The following RBFOX1 variants were observed in gnomAD, a reference collection of about 807,000 sequenced individuals.
RBFOX1 encodes RNA binding protein fox-1 homolog 1.
Under a neutral mutation model 57.7 loss-of-function variants are expected in RBFOX1, and 8 were observed. The ratio of observed to expected loss-of-function variants is 0.14; its 90% CI spans 0.08 to 0.25. The LOEUF (loss-of-function observed/expected upper bound fraction) is 0.25. Ranked by LOEUF, RBFOX1 falls within the 10% of genes least tolerant of loss-of-function variation. The pLI, the probability that RBFOX1 is intolerant of heterozygous loss-of-function variation, is 1.00. For missense variants in RBFOX1, 611 were observed against 548.5 expected, an observed-to-expected ratio of 1.11 and a Z score of -1.14; for synonymous variants, 326 against 222.4, an observed-to-expected ratio of 1.47 and a Z score of -4.15.
At chr16:6,270,992 G>A (rs914594468) in intron 1 of RBFOX1, among the ~76,000 whole-genome samples, 1 of 152,178 alleles carries the variant, frequency 6.6e-6, no homozygotes, top group African/African-American at 2.4e-5. Context: ...AGTGTATTGG[G>A]CAGAATGAAT....
chr16:7,626,268 T>A (rs528271902), intron 10 of RBFOX1, among the ~76,000 whole-genome samples: 29 of 152,328 alleles, frequency 1.9e-4, no homozygotes, highest in Non-Finnish European at 3.5e-4. Flanking sequence ...AAACATCCCT[T>A]CTAGGCTTGT....
At chr16:5,782,976 A>G (rs537456352) in intron 3 of RBFOX1, among the ~76,000 whole-genome samples, 20 of 152,308 alleles carry the variant, frequency 1.3e-4, no homozygotes, top group African/African-American at 4.8e-4. Context: ...GGTGAGGGTC[A>G]TTCACTTTGT....
intron 1 of RBFOX1, among the ~76,000 whole-genome samples, chr16:6,251,836 G>A (rs574742503): frequency 1.2e-4 from 19 of 152,002 alleles, no homozygotes; most frequent in Non-Finnish European, 2.1e-4. Flanking sequence ...AGAGATTTAC[G>A]TCCAGTCTGA....
chr16:5,394,522 C>A (rs189460696), intron 1 of RBFOX1, among the ~76,000 whole-genome samples: 1 of 151,316 alleles, frequency 6.6e-6, no homozygotes, highest in African/African-American at 2.4e-5. Flanking sequence ...CCCTTCTTCT[C>A]TTCTCTTGTC....
At chr16:6,795,535 A>C (rs1156371616) in intron 3 of RBFOX1, among the ~76,000 whole-genome samples, 1 of 152,120 alleles carries the variant, frequency 6.6e-6, no homozygotes, top group African/African-American at 2.4e-5. Context: ...TGGGAGGCCG[A>C]GGTGGGTGAA....
intron 2 of RBFOX1, among the ~76,000 whole-genome samples, chr16:6,336,189 T>A (rs1337710794): frequency 3.0e-4 from 16 of 53,988 alleles, no homozygotes; most frequent in South Asian, 8.0e-4. Flanking sequence ...ATATTTTTTT[T>A]TTTTTTTTTT....
intron 2 of RBFOX1, among the ~76,000 whole-genome samples, chr16:6,613,640 G>A (rs1003460291): frequency 1.3e-5 from 2 of 152,146 alleles, no homozygotes; most frequent in Non-Finnish European, 2.9e-5. Flanking sequence ...AGTAGAATAA[G>A]CAACTTGTAG....
intron 3 of RBFOX1, among the ~76,000 whole-genome samples, chr16:6,982,597 G>T (rs1409825939): frequency 3.3e-5 from 5 of 152,200 alleles, no homozygotes. Flanking sequence ...GAGTTGAACA[G>T]TTGTTTGTAC....
chr16:7,273,824 G>C (rs2095388064), intron 4 of RBFOX1, among the ~76,000 whole-genome samples: 1 of 152,116 alleles, frequency 6.6e-6, no homozygotes, highest in South Asian at 2.1e-4. Context: ...GGGCTGGATT[G>C]GTTTGCCTTT....
intron 3 of RBFOX1, among the ~76,000 whole-genome samples, chr16:6,779,588 C>T (rs890640525): frequency 4.7e-5 from 7 of 148,590 alleles, no homozygotes; most frequent in African/African-American, 1.7e-4. Context: ...GAAGAACCTC[C>T]ATACTATTCT....
At chr16:7,274,915 C>G (rs998053866) in intron 4 of RBFOX1, among the ~76,000 whole-genome samples, 5 of 152,006 alleles carry the variant, frequency 3.3e-5, no homozygotes, top group African/African-American at 1.2e-4. Context: ...AGCTCTTGGC[C>G]TGAAGTGACC....
At chr16:6,219,255 G>T (rs965929506) in intron 1 of RBFOX1, among the ~76,000 whole-genome samples, 2 of 152,138 alleles carry the variant, frequency 1.3e-5, no homozygotes, top group South Asian at 4.1e-4. Context: ...GATCACTTGA[G>T]CCCAGGAGCT....
At chr16:5,742,364 CT>C (rs1173307235) in intron 3 of RBFOX1, among the ~76,000 whole-genome samples, 15 of 149,292 alleles carry the variant, frequency 1.0e-4, no homozygotes, top group African/African-American at 3.4e-4. Flanking sequence ...CTTCCTTCCT[CT>C]CCTTCCTCTC....
chr16:7,375,841 A>G (rs1244559027), intron 4 of RBFOX1, among the ~76,000 whole-genome samples: 2 of 152,184 alleles, frequency 1.3e-5, no homozygotes, highest in African/African-American at 4.8e-5. Flanking sequence ...CAATAATTTT[A>G]TTATTTGGTA....
chr16:6,357,938 C>T (rs952992557), intron 2 of RBFOX1, among the ~76,000 whole-genome samples: 2 of 140,570 alleles, frequency 1.4e-5, no homozygotes, highest in Non-Finnish European at 3.0e-5. Flanking sequence ...GCCTGGGCAA[C>T]AGAGCAAGAC....
chr16:6,806,426 A>G (rs1385435327), intron 3 of RBFOX1, among the ~76,000 whole-genome samples: 7 of 152,170 alleles, frequency 4.6e-5, no homozygotes, highest in Admixed American at 6.5e-5. Context: ...CATCTTTTTC[A>G]AATTCATATG....
At chr16:6,940,376 C>G (rs545721101) in intron 3 of RBFOX1, among the ~76,000 whole-genome samples, 3 of 152,132 alleles carry the variant, frequency 2.0e-5, no homozygotes, top group Non-Finnish European at 2.9e-5. Context: ...CACTTCCCAT[C>G]CGACAATTCC....
intron 4 of RBFOX1, among the ~76,000 whole-genome samples, chr16:7,387,942 G>A (rs1017097415): frequency 6.6e-6 from 1 of 152,156 alleles, no homozygotes. Context: ...TGTTGGAAGG[G>A]TCAAAGCATC....
At chr16:5,973,848 A>T (rs1414790632) in intron 4 of RBFOX1, among the ~76,000 whole-genome samples, 1 of 152,168 alleles carries the variant, frequency 6.6e-6, no homozygotes. Context: ...GGCTTATCCA[A>T]ACTTAGCCGT....
Sources: allele counts gnomAD v4.1 joint callset (sites outside exome capture counted in the v4.1 genomes callset), GRCh38; gene constraint gnomAD v4.1.1; transcripts MANE v1.5; gene names NCBI Gene and HGNC (gene_info 2026-07-23, HGNC 2026-07-21).